Variants in GALNT11 observed in about 807,000 individuals in gnomAD.
GALNT11 encodes the protein polypeptide N-acetylgalactosaminyltransferase 11, also known as UDP-GalNAc:polypeptide N-acetylgalactosaminyltransferase 11.
A neutral mutation model predicts 72.7 loss-of-function variants in GALNT11; 47 were observed. The ratio of observed to expected loss-of-function variants is 0.65; its 90% CI spans 0.51 to 0.82. The LOEUF is 0.82. Among genes scored for constraint, GALNT11 ranks in the 40% least tolerant of loss-of-function variants. The pLI is 0.00. For missense variants in GALNT11, 677 were observed against 778.4 expected, an observed-to-expected ratio of 0.87 and a Z score of 1.55; for synonymous variants, 270 against 286.6, an observed-to-expected ratio of 0.94 and a Z score of 0.58.
chr7:152,038,359 G>T (rs1232800001), intron 1 of GALNT11, among the ~76,000 whole-genome samples: 1 of 152,158 alleles, frequency 6.6e-6, no homozygotes, highest in Non-Finnish European at 1.5e-5. Flanking sequence ...TAAAGGAATG[G>T]GCTCTGGCTG....
At chr7:152,090,695 G>T (rs2085965257) in intron 1 of GALNT11, among the ~76,000 whole-genome samples, 2 of 123,816 alleles carry the variant, frequency 1.6e-5, no homozygotes, top group Admixed American at 1.1e-4. Flanking sequence ...GATAGCTGCA[G>T]TACTCACTAT....
intron 1 of GALNT11, among the ~76,000 whole-genome samples, chr7:152,037,768 A>ATT (rs60018395): frequency 1.3e-5 from 2 of 149,642 alleles, no homozygotes; most frequent in African/African-American, 4.9e-5. Flanking sequence ...CATGTCTTCA[A>ATT]TTTTTTTTTT....
intron 1 of GALNT11, among the ~76,000 whole-genome samples, chr7:152,040,462 A>G (rs1341879667): frequency 6.6e-6 from 1 of 152,208 alleles, no homozygotes; most frequent in African/African-American, 2.4e-5. Flanking sequence ...TTGAGACCAG[A>G]GGCATTAACA....
At chr7:152,103,534 A>G (rs1246174984) in intron 4 of GALNT11, 3 of 381,726 alleles carry the variant, frequency 7.9e-6, no homozygotes, top group Non-Finnish European at 1.5e-5. Flanking sequence ...TTTATTTGAA[A>G]TAACTGTAGG....
intron 1 of GALNT11, among the ~76,000 whole-genome samples, chr7:152,071,641 A>G (rs2084656264): frequency 6.6e-6 from 1 of 152,236 alleles, no homozygotes; most frequent in Non-Finnish European, 1.5e-5. Flanking sequence ...GGAAATCACA[A>G]GGGTATTGAT....
rs775537357 is a variant in GALNT11, at chr7:152,094,088, G to A, written c.-38-102G>A. ...GTATTTGAATATCCGTTAACTGTAC[G>A]CATAGTGGTCCTACTTGGTGGTTTG... is the stretch of plus-strand genomic sequence containing the variant. On this transcript the variant is annotated intron_variant, in intron 1 of 11. Coordinates refer to ENST00000430044, the MANE Select transcript of GALNT11 (RefSeq NM_022087.4). The surrounding 1 kb of genome is among the most constrained non-coding windows in gnomAD (Gnocchi z 4.3). 38 of 891,972 alleles carry A rather than the reference G, an allele frequency of 4.3e-5. No homozygotes were observed. Among genetic ancestry groups the A allele is most frequent in the African/African-American group, 1.7e-4 (10 of 59,930 alleles). The allele number at this position is 891,972 out of a possible 1,614,324, so 55.3% of individuals were successfully genotyped here. A position where few individuals can be genotyped will look rare whatever the true frequency, so the allele number is the denominator to read the frequency against.
At chr7:152,065,521 G>C (rs773363703) in intron 1 of GALNT11, among the ~76,000 whole-genome samples, 1 of 152,192 alleles carries the variant, frequency 6.6e-6, no homozygotes, top group Non-Finnish European at 1.5e-5. Context: ...GAGGCACTCT[G>C]ATTTTTAGAA....
At chr7:152,063,897 T>G (rs2084158628) in intron 1 of GALNT11, among the ~76,000 whole-genome samples, 1 of 152,190 alleles carries the variant, frequency 6.6e-6, no homozygotes, top group South Asian at 2.1e-4. Context: ...TGGTCAATTT[T>G]GGAATAAGTG....
At chr7:152,076,206 T>C (rs1286369185) in intron 1 of GALNT11, among the ~76,000 whole-genome samples, 1 of 152,184 alleles carries the variant, frequency 6.6e-6, no homozygotes, top group African/African-American at 2.4e-5. Context: ...TTTTGCACTT[T>C]AAGGCAAGAA....
chr7:152,045,424 C>T (rs561162603), intron 1 of GALNT11, among the ~76,000 whole-genome samples: 1 of 152,016 alleles, frequency 6.6e-6, no homozygotes, highest in East Asian at 1.9e-4. Flanking sequence ...TGGGGTTTTC[C>T]TTGCTGGGAG....
chr7:152,101,169 T>C (rs186668561), intron 3 of GALNT11, among the ~76,000 whole-genome samples: 32 of 152,268 alleles, frequency 2.1e-4, no homozygotes, highest in African/African-American at 7.7e-4. Context: ...CAGAGTAGGG[T>C]GCTAATTAAA....
At chr7:152,067,483 A>G (rs950021785) in intron 1 of GALNT11, among the ~76,000 whole-genome samples, 1 of 152,196 alleles carries the variant, frequency 6.6e-6, no homozygotes, top group African/African-American at 2.4e-5. Context: ...GCTATAATGC[A>G]ATACAACTTT....
At position 152,094,328 on chromosome 7, in the gene GALNT11, C is replaced by T. The variant is rs754472845; in HGVS notation, c.101C>T (p.Thr34Ile). The change falls in exon 2 of 12, where the codon ACT (threonine) becomes ATT (isoleucine). Residue 34 changes from threonine to isoleucine, a missense_variant. Thr to Ile is a moderately conservative substitution (Grantham distance 89). Transcript: ENST00000430044. The surrounding 1 kb of genome is among the most constrained non-coding windows in gnomAD (Gnocchi z 4.3). The part of the protein sequence containing the change: ...LFVYFNFSEV[T>I]QPLKNVPVKG... ...GTTTATTTCAACTTCAGTGAAGTGA[C>T]TCAGCCACTTAAGAATGTGCCCGTC... 2.5e-6 allele frequency: 4 copies of T among 1,614,162 alleles called. No homozygotes were observed. Among genetic ancestry groups the T allele is most frequent in the East Asian group, 4.5e-5 (2 of 44,886 alleles).
At chr7:152,030,650 T>TTCTTTGTCTCTCTGAGTCCC (rs1211804336) in intron 1 of GALNT11, among the ~76,000 whole-genome samples, 4 of 152,196 alleles carry the variant, frequency 2.6e-5, no homozygotes, top group Non-Finnish European at 5.9e-5. Flanking sequence ...CTTTGATGAC[T>TTCTTTGTCTCTCTGAGTCCC]TCTTTGTCTC....
At chr7:152,058,836 A>G (rs1339197374) in intron 1 of GALNT11, among the ~76,000 whole-genome samples, 2 of 152,192 alleles carry the variant, frequency 1.3e-5, no homozygotes, top group African/African-American at 4.8e-5. Context: ...AACAGTGTTC[A>G]CAGCATCATC....
At chr7:152,082,073 C>G (rs2085356002) in intron 1 of GALNT11, among the ~76,000 whole-genome samples, 1 of 152,038 alleles carries the variant, frequency 6.6e-6, no homozygotes, top group African/African-American at 2.4e-5. Context: ...ATATTGTTTT[C>G]TATTTTTACC....
At chr7:152,050,342 T>A (rs6973220) in intron 1 of GALNT11, among the ~76,000 whole-genome samples, 24,066 of 152,102 alleles carry the variant, frequency 0.16, 4,635 homozygotes, top group African/African-American at 0.45. Context: ...ATCCTGCCAG[T>A]ACTAGGTCCT....
intron 1 of GALNT11, among the ~76,000 whole-genome samples, chr7:152,037,768 A>G (rs367681303): frequency 2.0e-5 from 3 of 149,642 alleles, no homozygotes; most frequent in East Asian, 3.9e-4. Flanking sequence ...CATGTCTTCA[A>G]TTTTTTTTTT....
At chr7:152,091,998 AG>A (rs1015200811) in intron 1 of GALNT11, among the ~76,000 whole-genome samples, 1 of 152,086 alleles carries the variant, frequency 6.6e-6, no homozygotes, top group African/African-American at 2.4e-5. Context: ...GAAGGCCGGG[AG>A]TGGTTTGAGG....
Sources: gnomAD v4.1 joint callset for allele counts (sites outside exome capture counted in the v4.1 genomes callset) on GRCh38, gnomAD v4.1.1 for gene constraint, Gnocchi (gnomAD v3.1) non-coding constraint, MANE v1.5 for transcripts, NCBI Gene and HGNC (gene_info 2026-07-23, HGNC 2026-07-21) for gene names.